Variants in KAZN observed in about 807,000 individuals in gnomAD.
KAZN encodes the protein kazrin, periplakin interacting protein, also known as kazrin.
KAZN carries 40 observed loss-of-function variants against 87.4 expected under a neutral mutation model. The observed-to-expected ratio is 0.46, with a 90% CI of 0.36 to 0.60. The LOEUF (loss-of-function observed/expected upper bound fraction) is 0.60, where lower values mean the gene tolerates loss of function less well. Among genes scored for constraint, KAZN ranks in the 20% least tolerant of loss-of-function variants. The probability of loss-of-function intolerance (pLI) is 0.00; values close to 1 mark genes in which losing one functional copy is unlikely to be tolerated. For missense variants in KAZN, 898 were observed against 1,073.9 expected (o/e 0.84, Z 2.29); for synonymous variants, 466 against 458.3 (o/e 1.02, Z -0.22).
At chr1:14,813,499 A>G (rs1646473707) in intron 1 of KAZN, among the ~76,000 whole-genome samples, 1 of 152,218 alleles carries the variant, frequency 6.6e-6, no homozygotes, top group Non-Finnish European at 1.5e-5. Context: ...TGAGTGAGTC[A>G]TCCTGGAAGC....
intron 1 of KAZN, among the ~76,000 whole-genome samples, chr1:14,046,475 G>T (rs907775941): frequency 4.6e-5 from 7 of 152,148 alleles, no homozygotes; most frequent in Admixed American, 1.3e-4. Flanking sequence ...AAGCCCAAGG[G>T]TGTATGTGTA....
chr1:14,252,023 G>T (rs1453695025), intron 2 of KAZN, among the ~76,000 whole-genome samples: 3 of 152,092 alleles, frequency 2.0e-5, no homozygotes, highest in African/African-American at 4.8e-5. Context: ...GCCAGGAAAG[G>T]GGGACACTGC....
chr1:14,728,145 G>A (rs564749016), intron 1 of KAZN, among the ~76,000 whole-genome samples: 1 of 151,780 alleles, frequency 6.6e-6, no homozygotes, highest in African/African-American at 2.4e-5. Context: ...AATTAGCCGG[G>A]TATGGTTGCG....
intron 2 of KAZN, among the ~76,000 whole-genome samples, chr1:14,549,365 G>A (rs995556989): frequency 3.3e-5 from 5 of 152,176 alleles, no homozygotes; most frequent in Non-Finnish European, 7.3e-5. Context: ...ATAGGAAACA[G>A]TCCTGGCCAA....
At chr1:14,165,576 A>T (rs577360928) in intron 1 of KAZN, among the ~76,000 whole-genome samples, 1 of 152,232 alleles carries the variant, frequency 6.6e-6, no homozygotes, top group South Asian at 2.1e-4. Flanking sequence ...AAGCCCATTG[A>T]CACCAGGTGT....
chr1:14,722,889 A>T (rs1038308023), intron 1 of KAZN, among the ~76,000 whole-genome samples: 90 of 152,140 alleles, frequency 5.9e-4, no homozygotes, highest in African/African-American at 2.1e-3. Context: ...CCTTTGGGAG[A>T]CTGAGGTGGG....
In KAZN at chr1:14,177,793, T is replaced by TGTGTGTG. The variant is rs1325241891; in HGVS notation, c.92-2640_92-2639insGTGTGGT. Among the ~76,000 whole-genome samples the TGTGTGTG allele has an allele frequency of 1.4e-3, 179 of 125,154 alleles. 1 individual carries two copies. The highest frequency in any genetic ancestry group is 6.5e-3 in the African/African-American group (171 of 26,156). The allele number at this position is 125,154 out of a possible 152,430, so 82.1% of individuals were successfully genotyped here. A position where few individuals can be genotyped will look rare whatever the true frequency, so the allele number is the denominator to read the frequency against. ...TTTTCTCATTTTCACTGTGTGTGTGTGTTTTTTTTTTTTTTTTTAGTAATT... is the reference window on the plus strand; with the variant it reads ...TTTTCTCATTTTCACTGTGTGTGTGTGTGTGTGGTTTTTTTTTTTTTTTTTAGTAATT... On this transcript the variant is annotated intron_variant, in intron 1 of 16. Coordinates refer to the KAZN transcript ENST00000636203.
At chr1:14,602,394 T>C (rs1460073620) in intron 1 of KAZN, among the ~76,000 whole-genome samples, 1 of 152,198 alleles carries the variant, frequency 6.6e-6, no homozygotes, top group Non-Finnish European at 1.5e-5. Flanking sequence ...AGGGCGTCCG[T>C]GCAGGGTGAC....
chr1:14,554,020 G>A (rs1245781593), intron 2 of KAZN, among the ~76,000 whole-genome samples: 1 of 152,206 alleles, frequency 6.6e-6, no homozygotes, highest in Non-Finnish European at 1.5e-5. Flanking sequence ...ATGTAGAAGA[G>A]TAATTAGGAA....
At chr1:14,821,513 TG>T (rs1186703968) in intron 1 of KAZN, among the ~76,000 whole-genome samples, 1 of 145,474 alleles carries the variant, frequency 6.9e-6, no homozygotes, top group Non-Finnish European at 1.5e-5. Context: ...ACTCCACCTC[TG>T]AAAAAAAAAA....
intron 2 of KAZN, among the ~76,000 whole-genome samples, chr1:14,429,681 A>G (rs1665934752): frequency 6.6e-6 from 1 of 152,146 alleles, no homozygotes; most frequent in Admixed American, 6.5e-5. Context: ...CATTTGAGGA[A>G]TTACTGGGTA....
At chr1:14,907,611 G>T (rs1656751221) in intron 1 of KAZN, among the ~76,000 whole-genome samples, 1 of 152,160 alleles carries the variant, frequency 6.6e-6, no homozygotes, top group Non-Finnish European at 1.5e-5. Context: ...AGGGCATGAT[G>T]ACTCTGCCCG....
chr1:15,029,287 C>T (rs1290413799), intron 2 of KAZN, among the ~76,000 whole-genome samples: 6 of 152,234 alleles, frequency 3.9e-5, no homozygotes, highest in Admixed American at 6.5e-5. Context: ...GCAGGAACCA[C>T]GTCTGGCTCA....
intron 2 of KAZN, among the ~76,000 whole-genome samples, chr1:14,249,497 A>T (rs12403204): frequency 1.3e-5 from 2 of 152,138 alleles, no homozygotes; most frequent in Non-Finnish European, 2.9e-5. Context: ...AGATTCAAGC[A>T]TTCAAGAGAT....
chr1:15,053,337 A>G (rs992724159), intron 4 of KAZN, among the ~76,000 whole-genome samples: 2 of 152,204 alleles, frequency 1.3e-5, no homozygotes, highest in Non-Finnish European at 2.9e-5. Context: ...GCAGGTGTAC[A>G]GAGGCTCGAG....
At chr1:14,087,286 C>G (rs1643879618) in intron 1 of KAZN, among the ~76,000 whole-genome samples, 1 of 152,054 alleles carries the variant, frequency 6.6e-6, no homozygotes, top group African/African-American at 2.4e-5. Flanking sequence ...TATAGAAATA[C>G]AAATTATTGT....
intron 4 of KAZN, among the ~76,000 whole-genome samples, chr1:15,049,186 C>A (rs1255414907): frequency 6.6e-6 from 1 of 152,208 alleles, no homozygotes; most frequent in Non-Finnish European, 1.5e-5. Context: ...GCCTTTCCCA[C>A]CAGCCTCCCT....
At chr1:15,101,822 C>T (rs1641081786) in intron 11 of KAZN, 48 bp downstream of exon 11, 1 of 1,255,762 alleles carries the variant, frequency 8.0e-7, no homozygotes, top group Non-Finnish European at 1.1e-6. Context: ...GCCCACCCCT[C>T]CCCTCTTGGC....
intron 1 of KAZN, among the ~76,000 whole-genome samples, chr1:14,849,372 A>G (rs572765710): frequency 5.5e-4 from 83 of 152,284 alleles, no homozygotes; most frequent in African/African-American, 1.9e-3. Flanking sequence ...TAATAGCAAT[A>G]ATATTTGCCA....
Sources: gnomAD v4.1 joint callset for allele counts (sites outside exome capture counted in the v4.1 genomes callset) on GRCh38, gnomAD v4.1.1 for gene constraint, MANE v1.5 for transcripts, NCBI Gene and HGNC (gene_info 2026-07-23, HGNC 2026-07-21) for gene names.